Variants in ANKRD45 observed in about 807,000 individuals in gnomAD.
ANKRD45 encodes ankyrin repeat domain 45, also known as ankyrin repeat domain-containing protein 45.
A neutral mutation model predicts 28.1 loss-of-function variants in ANKRD45; 21 were observed. The ratio of observed to expected loss-of-function variants is 0.75; its 90% CI spans 0.53 to 1.08. The LOEUF is 1.08. ANKRD45 is among the 50% of genes least tolerant of loss of function. The probability of loss-of-function intolerance (pLI) is 0.00; values close to 1 mark genes in which losing one functional copy is unlikely to be tolerated. For synonymous variants in ANKRD45, 86 were observed against 103.9 expected, an observed-to-expected ratio of 0.83 and a Z score of 1.05; for missense variants, 261 against 308.7, an observed-to-expected ratio of 0.85 and a Z score of 1.16.
chr1:173,613,704 G>T lies in ANKRD45; in HGVS notation c.731-3489C>A, dbSNP rs923875975. Among the ~76,000 whole-genome samples the T allele has an allele frequency of 2.2e-4, 33 of 151,660 alleles. 1 individual carries two copies. Among genetic ancestry groups the T allele is most frequent in the African/African-American group, 7.8e-4 (32 of 41,288 alleles). Reference sequence around the variant, plus strand: ...GTCCGGGAGGTTGGGGGGCGCCTCTGCCCGGCCGCCCCTTCTGGGAAGTGA... The same window carrying T: ...GTCCGGGAGGTTGGGGGGCGCCTCTTCCCGGCCGCCCCTTCTGGGAAGTGA... On this transcript the variant is annotated intron_variant, in intron 5 of 5. Coordinates refer to ENST00000333279, the MANE Select transcript of ANKRD45 (RefSeq NM_198493.3).
At chr1:173,663,747 C>T (rs1669886885) in intron 1 of ANKRD45, among the ~76,000 whole-genome samples, 2 of 152,088 alleles carry the variant, frequency 1.3e-5, no homozygotes, top group Admixed American at 6.5e-5. Flanking sequence ...TGGTTGTTCT[C>T]TTCAAATACG....
chr1:173,632,413 G>GTTT (rs1668234711), intron 3 of ANKRD45, among the ~76,000 whole-genome samples: 1 of 150,780 alleles, frequency 6.6e-6, no homozygotes. Context: ...AACACTTAAA[G>GTTT]AACTAGTACC....
chr1:173,694,388 T>C, the ANKRD45 span, among the ~76,000 whole-genome samples: 1 of 151,934 alleles, frequency 6.6e-6, no homozygotes, highest in Admixed American at 6.6e-5. Context: ...GGTCTCAAAT[T>C]CCTGACCTCA....
At chr1:173,692,595 G>A in the ANKRD45 span, among the ~76,000 whole-genome samples, 1 of 152,152 alleles carries the variant, frequency 6.6e-6, no homozygotes, top group South Asian at 2.1e-4. Context: ...TTGACACAGG[G>A]AAGATGATGC....
chr1:173,654,103 G>A (rs1236406756), intron 2 of ANKRD45, among the ~76,000 whole-genome samples: 1 of 151,702 alleles, frequency 6.6e-6, no homozygotes, highest in East Asian at 1.9e-4. Flanking sequence ...TACATTTATG[G>A]TTAATATTGT....
Position 173,610,164 on chromosome 1 carries a change from T to G in ANKRD45, c.782A>C (p.Gln261Pro). 4 of 1,614,210 alleles carry G rather than the reference T, an allele frequency of 2.5e-6. No homozygotes were observed. Among genetic ancestry groups the G allele is most frequent in the Non-Finnish European group, 3.4e-6 (4 of 1,180,014 alleles). The stretch of plus-strand genomic sequence containing the variant: ...GTATGTTCAGTTGGAGGTATCATCT[T>G]GACTTCTCTTCTGGTCATGGCTTGT... ...SVTSHDQKRS[Q>P]DDTSN Residue 261 changes from glutamine to proline, a missense_variant, in exon 6 of 6, where the codon CAA becomes CCA. Coordinates refer to ENST00000333279, the MANE Select transcript of ANKRD45 (RefSeq NM_198493.3).
chr1:173,683,051 C>A, the ANKRD45 span, among the ~76,000 whole-genome samples: 1 of 151,718 alleles, frequency 6.6e-6, no homozygotes, highest in Non-Finnish European at 1.5e-5. Context: ...AACTTCCCTT[C>A]GGATTTGATC....
intron 2 of ANKRD45, among the ~76,000 whole-genome samples, chr1:173,649,150 A>G (rs1669064564): frequency 6.6e-6 from 1 of 152,174 alleles, no homozygotes; most frequent in Non-Finnish European, 1.5e-5. Flanking sequence ...ATTTCCAATG[A>G]TTAACTGTTA....
the ANKRD45 span, among the ~76,000 whole-genome samples, chr1:173,680,340 C>T: frequency 6.6e-6 from 1 of 152,130 alleles, no homozygotes; most frequent in East Asian, 1.9e-4. Flanking sequence ...TCACATACAC[C>T]ATGGAATACT....
the ANKRD45 span, among the ~76,000 whole-genome samples, chr1:173,681,720 A>G: frequency 2.6e-5 from 4 of 152,154 alleles, no homozygotes; most frequent in East Asian, 7.7e-4. Flanking sequence ...TCAGAAGGTA[A>G]GGAGAGGAAA....
At chr1:173,652,386 T>C (rs1669272484) in intron 2 of ANKRD45, among the ~76,000 whole-genome samples, 1 of 152,218 alleles carries the variant, frequency 6.6e-6, no homozygotes, top group African/African-American at 2.4e-5. Flanking sequence ...TCTGTTTATG[T>C]GATGGATTAT....
At chr1:173,711,840 C>T in the ANKRD45 span, among the ~76,000 whole-genome samples, 1 of 152,134 alleles carries the variant, frequency 6.6e-6, no homozygotes, top group Admixed American at 6.5e-5. Context: ...AACTTCTCCA[C>T]TTCAAAAAGA....
chr1:173,619,239 A>G (rs1378631872), intron 5 of ANKRD45, among the ~76,000 whole-genome samples: 2 of 152,230 alleles, frequency 1.3e-5, no homozygotes, highest in Non-Finnish European at 2.9e-5. Flanking sequence ...CAAGTCTGCA[A>G]AAATAACCAG....
the ANKRD45 span, among the ~76,000 whole-genome samples, chr1:173,706,297 G>A: frequency 1.4e-4 from 12 of 88,502 alleles, no homozygotes; most frequent in African/African-American, 4.1e-4. Flanking sequence ...GCAAGATTCC[G>A]TCTCAAAAAA....
intron 1 of ANKRD45, among the ~76,000 whole-genome samples, chr1:173,665,748 C>G (rs1251467006): frequency 6.6e-6 from 1 of 152,066 alleles, no homozygotes; most frequent in Non-Finnish European, 1.5e-5. Context: ...GTGGCTCACA[C>G]CTGTAATCCC....
intron 3 of ANKRD45, among the ~76,000 whole-genome samples, chr1:173,631,317 AT>A (rs1317209830): frequency 6.6e-6 from 1 of 152,194 alleles, no homozygotes; most frequent in African/African-American, 2.4e-5. Context: ...GCACCCAGAT[AT>A]TTAAAGCAAA....
At chr1:173,624,701 T>C (rs578167951) in intron 5 of ANKRD45, 86 bp downstream of exon 5, 2 of 1,388,436 alleles carry the variant, frequency 1.4e-6, no homozygotes, top group East Asian at 4.6e-5. Flanking sequence ...TGAAGATTGT[T>C]AAAATCAGAA....
intron 3 of ANKRD45, among the ~76,000 whole-genome samples, chr1:173,638,269 C>T (rs1324924868): frequency 6.6e-6 from 1 of 152,106 alleles, no homozygotes; most frequent in Non-Finnish European, 1.5e-5. Flanking sequence ...TTTCACAAGC[C>T]TTTAAGGATG....
intron 3 of ANKRD45, among the ~76,000 whole-genome samples, chr1:173,646,371 T>C (rs147820601): frequency 5.9e-5 from 9 of 152,282 alleles, no homozygotes; most frequent in African/African-American, 1.9e-4. Flanking sequence ...GCCGTAAGGG[T>C]AGCTACTATT....
Sources: gnomAD v4.1 joint callset for allele counts (sites outside exome capture counted in the v4.1 genomes callset) on GRCh38, gnomAD v4.1.1 for gene constraint, MANE v1.5 for transcripts, NCBI Gene and HGNC (gene_info 2026-07-23, HGNC 2026-07-21) for gene names.